MBD2: variants seen among roughly 807,000 people sequenced by gnomAD.
MBD2 encodes the protein methyl-CpG-binding domain protein 2.
MBD2 carries 9 observed loss-of-function variants against 39.3 expected under a neutral mutation model. The observed-to-expected ratio is 0.23, with a 90% confidence interval of 0.14 to 0.40. The LOEUF (loss-of-function observed/expected upper bound fraction) is 0.40, where lower values mean the gene tolerates loss of function less well. MBD2 is among the 10% of genes least tolerant of loss of function. MBD2 has a pLI of 1.00. For missense variants in MBD2, 458 were observed against 532.6 expected, an observed-to-expected ratio of 0.86 and a Z score of 1.38; for synonymous variants, 233 against 211.1, an observed-to-expected ratio of 1.10 and a Z score of -0.90.
chr18:54,186,192 C>T (rs1288729498), intron 3 of MBD2, among the ~76,000 whole-genome samples: 1 of 152,058 alleles, frequency 6.6e-6, no homozygotes, highest in Non-Finnish European at 1.5e-5. Flanking sequence ...TACAATATCA[C>T]TATCTTGAAC....
At chr18:54,161,480 A>G (rs2086097804) in intron 5 of MBD2, among the ~76,000 whole-genome samples, 1 of 152,208 alleles carries the variant, frequency 6.6e-6, no homozygotes, top group Non-Finnish European at 1.5e-5. Flanking sequence ...TTTATGACAA[A>G]TGACATATTG....
chr18:54,205,091 G>A lies in MBD2; in HGVS notation c.609C>T (p.Leu203=), dbSNP rs775377189. ...LARYLGNTVD[L]SSFDFRTGKM... Reference sequence around the variant, plus strand: ...TTCCAGTTCTGAAGTCAAAACTGCTGAGATCAACAGTATTTCCCAGGTACC... The same window carrying A: ...TTCCAGTTCTGAAGTCAAAACTGCTAAGATCAACAGTATTTCCCAGGTACC... The change falls in exon 2 of 7, where the codon CTC becomes CTT. Residue 203 remains leucine (L), a synonymous_variant. Coordinates refer to ENST00000256429, the MANE Select transcript of MBD2 (RefSeq NM_003927.5). 1.2e-6 allele frequency: 2 copies of A among 1,613,994 alleles called. No individual in the cohort carries two copies. The highest frequency in any genetic ancestry group is 2.2e-5 in the South Asian group (2 of 91,060).
intron 3 of MBD2, chr18:54,187,591 A>G (rs2086293971): frequency 1.6e-6 from 1 of 619,598 alleles, no homozygotes; most frequent in Middle Eastern, 8.0e-4. Flanking sequence ...TGGGTGTGGT[A>G]GTAAAACAGA....
chr18:54,199,921 GCCA>G (rs2086392685), intron 2 of MBD2, among the ~76,000 whole-genome samples: 2 of 151,876 alleles, frequency 1.3e-5, no homozygotes, highest in South Asian at 4.2e-4. Context: ...CACAGAAATT[GCCA>G]CCAAGATAGG....
intron 1 of MBD2, among the ~76,000 whole-genome samples, chr18:54,218,593 A>G (rs928763956): frequency 6.6e-6 from 1 of 152,216 alleles, no homozygotes; most frequent in African/African-American, 2.4e-5. Flanking sequence ...TACAACCCCA[A>G]GCACACTACT....
chr18:54,153,444 G>A lies in MBD2; in HGVS notation c.*1880C>T, dbSNP rs556569250. 6.6e-6 allele frequency: 1 copy of A among 151,410 alleles called. No individual in the cohort carries two copies. Among genetic ancestry groups the A allele is most frequent in the African/African-American group, 2.4e-5 (1 of 41,270 alleles). 9.4% of individuals were successfully genotyped at this position (151,410 alleles called of 1,614,324 possible). ...CTTTCATACCTTGTTCTCCACCTGA[G>A]CAAAGTATATAAGCAAAAAAAAAAA... On this transcript the variant is annotated 3_prime_UTR_variant, in exon 7 of 7. Transcript: ENST00000256429.
intron 2 of MBD2, 60 bp downstream of exon 2, chr18:54,204,938 G>T: frequency 1.3e-6 from 2 of 1,517,076 alleles, no homozygotes; most frequent in Non-Finnish European, 1.8e-6. Flanking sequence ...ATTATGATGT[G>T]AGATACTTTT....
intron 6 of MBD2, among the ~76,000 whole-genome samples, chr18:54,157,943 CT>C (rs1356592996): frequency 3.3e-5 from 5 of 152,208 alleles, no homozygotes; most frequent in Non-Finnish European, 5.9e-5. Flanking sequence ...CAACATCCTC[CT>C]AAAGCCACCA....
At chr18:54,205,591 CAAAAAA>C (rs10719481) in intron 1 of MBD2, among the ~76,000 whole-genome samples, 1 of 90,092 alleles carries the variant, frequency 1.1e-5, no homozygotes, top group Admixed American at 1.2e-4. Context: ...AACTCTATCT[CAAAAAA>C]AAAAAAAAAA....
intron 3 of MBD2, among the ~76,000 whole-genome samples, chr18:54,171,883 G>A (rs1685615697): frequency 6.6e-6 from 1 of 152,172 alleles, no homozygotes; most frequent in Non-Finnish European, 1.5e-5. Flanking sequence ...ATTAATCAGT[G>A]GTGCAGCTGG....
Position 54,219,844 on chromosome 18 carries a change from A to C in MBD2, c.542+4174T>G, listed in dbSNP as rs1301522165. Among the ~76,000 whole-genome samples, 9 of 152,220 alleles carry C rather than the reference A, an allele frequency of 5.9e-5. No individual in the cohort carries two copies. In the East Asian group the frequency reaches 1.7e-3, roughly 29 times the overall value. ...GAGACTGTGTCTCGCTCTGTCGCCC[A>C]GGCTGGAGTGCAGTGGCGTGATCTC... is the stretch of plus-strand genomic sequence containing the variant. On this transcript the variant is annotated intron_variant, in intron 1 of 6. Transcript: ENST00000256429.
chr18:54,187,885 A>G, intron 3 of MBD2: 3 of 984,730 alleles, frequency 3.0e-6, no homozygotes, highest in Non-Finnish European at 3.6e-6. Context: ...GAATTTCTTT[A>G]TGTAGTTTCT....
intron 5 of MBD2, among the ~76,000 whole-genome samples, chr18:54,160,650 T>TA (rs574101659): frequency 0.04 from 2,959 of 74,418 alleles, 37 homozygotes; most frequent in South Asian, 0.075. Flanking sequence ...CTTTAAAAAG[T>TA]AAAAAAAAAA....
chr18:54,204,878 G>A (rs942198805), intron 2 of MBD2, 120 bp downstream of exon 2: 1 of 860,860 alleles, frequency 1.2e-6, no homozygotes, highest in East Asian at 2.4e-5. Context: ...GGTGGGCAGG[G>A]TATGGGGACA....
At chr18:54,192,938 G>A (rs2086332827) in intron 2 of MBD2, among the ~76,000 whole-genome samples, 1 of 152,190 alleles carries the variant, frequency 6.6e-6, no homozygotes, top group Admixed American at 6.5e-5. Context: ...TTCAAAATGT[G>A]CTGCATTATT....
chr18:54,178,524 G>A (rs2144298470), intron 3 of MBD2, among the ~76,000 whole-genome samples: 1 of 151,894 alleles, frequency 6.6e-6, no homozygotes, highest in East Asian at 1.9e-4. Flanking sequence ...GAAATAAAAA[G>A]AAAGTGCAAA....
chr18:54,202,668 G>GT, intron 2 of MBD2: 2 of 1,017,260 alleles, frequency 2.0e-6, no homozygotes, highest in East Asian at 9.2e-5. Flanking sequence ...AAAATGAAAG[G>GT]TATTTCCAAA....
intron 6 of MBD2, 116 bp downstream of exon 6, chr18:54,159,649 G>A (rs2086080312): frequency 1.8e-6 from 2 of 1,101,332 alleles, no homozygotes; most frequent in Non-Finnish European, 2.6e-6. Context: ...GAACTACTGA[G>A]CTCAACTGAT....
rs1177465575 is a variant in MBD2, at chr18:54,224,605, C to A, written c.-46G>T. ...CGCTGCGCTTCTTCCGTAACCGAGC[C>A]CTTGGAATCCCGGAGACCCGCCCCG... On this transcript the variant is annotated 5_prime_UTR_variant, in exon 1 of 7. Coordinates refer to ENST00000256429, the MANE Select transcript of MBD2 (RefSeq NM_003927.5). 7 of 1,209,568 alleles carry A rather than the reference C, an allele frequency of 5.8e-6. 1 individual carries two copies. Among genetic ancestry groups the A allele is most frequent in the Non-Finnish European group, 6.2e-6 (6 of 968,566 alleles). 74.9% of individuals were successfully genotyped at this position (1,209,568 alleles called of 1,614,324 possible). A position where few individuals can be genotyped will look rare whatever the true frequency, so the allele number is the denominator to read the frequency against.
Sources: gnomAD v4.1 joint callset for allele counts (sites outside exome capture counted in the v4.1 genomes callset) on GRCh38, gnomAD v4.1.1 for gene constraint, MANE v1.5 for transcripts, NCBI Gene and HGNC (gene_info 2026-07-23, HGNC 2026-07-21) for gene names.